The following DPP6 variants were observed in gnomAD, a reference collection of about 807,000 sequenced individuals.
DPP6 encodes A-type potassium channel modulatory protein DPP6.
Under a neutral mutation model 122.6 loss-of-function variants are expected in DPP6, and 69 were observed. The ratio of observed to expected loss-of-function variants is 0.56; its 90% confidence interval spans 0.46 to 0.69. The LOEUF (loss-of-function observed/expected upper bound fraction) is 0.69, where lower values mean the gene tolerates loss of function less well. Ranked by LOEUF, DPP6 falls within the 30% of genes least tolerant of loss-of-function variation. DPP6 has a pLI of 0.00. For synonymous variants in DPP6, 418 were observed against 433.1 expected, an observed-to-expected ratio of 0.97 and a Z score of 0.43; for missense variants, 928 against 1,116.9, an observed-to-expected ratio of 0.83 and a Z score of 2.41.
At chr7:154,845,935 A>G (rs532012274) in intron 16 of DPP6, among the ~76,000 whole-genome samples, 17 of 152,078 alleles carry the variant, frequency 1.1e-4, no homozygotes, top group Admixed American at 3.3e-4. Context: ...GTGGAGATAC[A>G]GACTCATCCC....
At chr7:154,673,203 A>G (rs1360794588) in intron 7 of DPP6, among the ~76,000 whole-genome samples, 1 of 152,152 alleles carries the variant, frequency 6.6e-6, no homozygotes, top group Non-Finnish European at 1.5e-5. Flanking sequence ...CCTAAAGTCA[A>G]CCTACTCTAA....
At chr7:153,770,352 A>T in the DPP6 span, among the ~76,000 whole-genome samples, 1 of 152,196 alleles carries the variant, frequency 6.6e-6, no homozygotes, top group African/African-American at 2.4e-5. Flanking sequence ...ACCAAAGAAC[A>T]TAGTCCCTGG....
At chr7:154,272,964 T>C (rs1803889174) in intron 1 of DPP6, among the ~76,000 whole-genome samples, 1 of 152,176 alleles carries the variant, frequency 6.6e-6, no homozygotes, top group African/African-American at 2.4e-5. Flanking sequence ...AGAATGACAG[T>C]GGGATTCACA....
intron 1 of DPP6, among the ~76,000 whole-genome samples, chr7:154,122,626 AC>A (rs1337735205): frequency 6.6e-6 from 1 of 152,182 alleles, no homozygotes; most frequent in Non-Finnish European, 1.5e-5. Context: ...ATAATTGGCA[AC>A]AATATCTTGA....
chr7:154,520,129 T>C (rs1162207865), intron 3 of DPP6, among the ~76,000 whole-genome samples: 1 of 152,222 alleles, frequency 6.6e-6, no homozygotes, highest in East Asian at 1.9e-4. Context: ...TGTATTTCTT[T>C]ATTAAGATTA....
chr7:153,773,323 TA>T, the DPP6 span, among the ~76,000 whole-genome samples: 18 of 39,112 alleles, frequency 4.6e-4, no homozygotes, highest in African/African-American at 9.2e-4. Context: ...TATATATATA[TA>T]TATATATTTT....
At chr7:154,391,260 G>A (rs1191854108) in intron 1 of DPP6, among the ~76,000 whole-genome samples, 1 of 152,148 alleles carries the variant, frequency 6.6e-6, no homozygotes, top group African/African-American at 2.4e-5. Flanking sequence ...TCCTTTTGGG[G>A]TGTCAGCATT....
the DPP6 span, among the ~76,000 whole-genome samples, chr7:153,793,011 A>G: frequency 0.41 from 61,835 of 149,796 alleles, 10,929 homozygotes; most frequent in Middle Eastern, 0.49. Flanking sequence ...ATGTGAAACA[A>G]TAAGTCCAGT....
chr7:154,339,293 A>T (rs1306772024), intron 1 of DPP6, among the ~76,000 whole-genome samples: 2 of 152,224 alleles, frequency 1.3e-5, no homozygotes, highest in Non-Finnish European at 2.9e-5. Context: ...GAGGACAGGG[A>T]CGTGGGGTGG....
At chr7:154,061,405 C>T (rs1801853148) in intron 1 of DPP6, among the ~76,000 whole-genome samples, 1 of 146,972 alleles carries the variant, frequency 6.8e-6, no homozygotes, top group African/African-American at 2.5e-5. Context: ...ACTGTGGGGC[C>T]CTGGCTGAGG....
At chr7:154,287,064 C>T (rs1210788155) in intron 1 of DPP6, among the ~76,000 whole-genome samples, 1 of 152,166 alleles carries the variant, frequency 6.6e-6, no homozygotes, top group Non-Finnish European at 1.5e-5. Flanking sequence ...CGGCCTTAAA[C>T]TGCTGGGATT....
intron 7 of DPP6, among the ~76,000 whole-genome samples, chr7:154,704,954 C>T (rs1840744305): frequency 6.6e-6 from 1 of 152,054 alleles, no homozygotes; most frequent in Non-Finnish European, 1.5e-5. Context: ...GAGGCTGGGT[C>T]TCAAACTCCT....
intron 1 of DPP6, among the ~76,000 whole-genome samples, chr7:154,321,678 A>G (rs1391391584): frequency 6.7e-6 from 1 of 150,302 alleles, no homozygotes; most frequent in Admixed American, 6.6e-5. Flanking sequence ...CCAGCTACAC[A>G]GGAGGCTGAG....
intron 17 of DPP6, among the ~76,000 whole-genome samples, chr7:154,860,597 G>A (rs544590488): frequency 6.6e-6 from 1 of 152,340 alleles, no homozygotes; most frequent in East Asian, 1.9e-4. Context: ...ATCCAGTCCA[G>A]GGAGGTGTGG....
At chr7:153,943,079 A>C (rs535813876) in intron 1 of DPP6, among the ~76,000 whole-genome samples, 1 of 152,250 alleles carries the variant, frequency 6.6e-6, no homozygotes. Context: ...GATTTTGTAA[A>C]AGCCTTGTTT....
intron 1 of DPP6, among the ~76,000 whole-genome samples, chr7:153,997,218 G>A (rs1475944374): frequency 3.3e-5 from 5 of 152,048 alleles, no homozygotes; most frequent in African/African-American, 4.8e-5. Context: ...AAATGCAGTG[G>A]CTAGATGCTA....
At chr7:153,966,620 T>G (rs1436579684) in intron 1 of DPP6, among the ~76,000 whole-genome samples, 1 of 145,520 alleles carries the variant, frequency 6.9e-6, no homozygotes, top group South Asian at 2.3e-4. Flanking sequence ...TAAAAAATTA[T>G]ACTTTAATTT....
chr7:153,832,959 G>A, the DPP6 span, among the ~76,000 whole-genome samples: 1 of 152,090 alleles, frequency 6.6e-6, no homozygotes, highest in Non-Finnish European at 1.5e-5. Context: ...TCAGATGTGG[G>A]GTGGTATTAG....
At chr7:154,367,188 G>A (rs113528479) in intron 1 of DPP6, among the ~76,000 whole-genome samples, 2 of 152,248 alleles carry the variant, frequency 1.3e-5, no homozygotes, top group African/African-American at 4.8e-5. Flanking sequence ...GGTGACAGGT[G>A]GGGGCAGATG....
Sources: gnomAD v4.1 joint callset for allele counts (sites outside exome capture counted in the v4.1 genomes callset) on GRCh38, gnomAD v4.1.1 for gene constraint, MANE v1.5 for transcripts, NCBI Gene and HGNC (gene_info 2026-07-23, HGNC 2026-07-21) for gene names.